Variants in MPDZ observed in about 807,000 individuals in gnomAD.
MPDZ encodes the protein multiple PDZ domain protein.
In MPDZ, 234 loss-of-function variants were observed where a neutral mutation model predicts 239.1. That is an observed-to-expected ratio of 0.98 (90% CI 0.88 to 1.09). MPDZ has a LOEUF of 1.09. Ranked by LOEUF, MPDZ falls within the 50% of genes least tolerant of loss-of-function variation. The pLI, the probability that MPDZ is intolerant of heterozygous loss-of-function variation, is 0.00. For missense variants in MPDZ, 3,175 were observed against 2,510.0 expected, an observed-to-expected ratio of 1.26 and a Z score of -5.66; for synonymous variants, 1,048 against 881.3, an observed-to-expected ratio of 1.19 and a Z score of -3.35.
intron 29 of MPDZ, among the ~76,000 whole-genome samples, chr9:13,137,078 G>A (rs1406286919): frequency 1.3e-5 from 2 of 152,176 alleles, no homozygotes; most frequent in African/African-American, 2.4e-5. Context: ...CAGGAGAGTA[G>A]ACAACAAATT....
chr9:13,190,273 G>C lies in MPDZ; in HGVS notation c.1995C>G (p.Ile665Met), dbSNP rs181658884. The C allele has an allele frequency of 1.2e-6, 2 of 1,602,934 alleles. No homozygotes were observed. The highest frequency in any genetic ancestry group is 1.3e-5 in the African/African-American group (1 of 74,602). Residue 665 changes from isoleucine to methionine, a missense_variant, in exon 16 of 47, where the codon ATC (isoleucine) becomes ATG (methionine). Physicochemically the swap from Ile to Met is conservative, Grantham distance 10. Transcript: ENST00000319217. ...CTGGATCCTCTGTCTCTGATGACCC[G>C]ATGAACTCACCTAGATCTACGTGAG... ...EKPHVDLGEF[I>M]GSSETEDPVL...
At chr9:13,116,854 A>C (rs1943529578) in intron 39 of MPDZ, among the ~76,000 whole-genome samples, 1 of 152,178 alleles carries the variant, frequency 6.6e-6, no homozygotes, top group African/African-American at 2.4e-5. Context: ...TTATTGTTTA[A>C]AAAACTTATA....
intron 3 of MPDZ, among the ~76,000 whole-genome samples, chr9:13,244,178 T>C (rs1041104049): frequency 1.3e-5 from 2 of 152,190 alleles, no homozygotes; most frequent in African/African-American, 2.4e-5. Flanking sequence ...CGCAATTAAT[T>C]AATCAAGAGA....
At chr9:13,115,548 T>C (rs565639468) in intron 39 of MPDZ, among the ~76,000 whole-genome samples, 1 of 152,072 alleles carries the variant, frequency 6.6e-6, no homozygotes, top group African/African-American at 2.4e-5. Context: ...CACCAAGTGT[T>C]TACCTTATCA....
chr9:13,262,559 T>A (rs764505152), intron 1 of MPDZ, among the ~76,000 whole-genome samples: 3 of 151,934 alleles, frequency 2.0e-5, no homozygotes, highest in Non-Finnish European at 4.4e-5. Context: ...GTTAAAACTT[T>A]AATGTACCAC....
intron 19 of MPDZ, among the ~76,000 whole-genome samples, chr9:13,179,600 G>A (rs1438659044): frequency 6.6e-6 from 1 of 152,060 alleles, no homozygotes; most frequent in Non-Finnish European, 1.5e-5. Flanking sequence ...AAGAAAAACA[G>A]TTCTTCCCTC....
chr9:13,164,229 C>T (rs920822230), intron 22 of MPDZ, among the ~76,000 whole-genome samples: 3 of 152,170 alleles, frequency 2.0e-5, no homozygotes, highest in African/African-American at 7.2e-5. Flanking sequence ...ACTAGGCTAG[C>T]TGAAAAAGTT....
intron 2 of MPDZ, among the ~76,000 whole-genome samples, chr9:13,249,436 G>C (rs919889681): frequency 6.6e-6 from 1 of 152,070 alleles, no homozygotes; most frequent in Admixed American, 6.6e-5. Flanking sequence ...GGGAAGTGAA[G>C]GAAATGTACA....
intron 13 of MPDZ, among the ~76,000 whole-genome samples, chr9:13,195,673 T>C (rs562529090): frequency 1.3e-5 from 2 of 152,238 alleles, no homozygotes; most frequent in East Asian, 3.9e-4. Flanking sequence ...GTATGCAGAA[T>C]TAACCTCTTC....
chr9:13,239,366 C>T (rs79827865), intron 3 of MPDZ, among the ~76,000 whole-genome samples: 1,539 of 152,240 alleles, frequency 0.01, 12 homozygotes, highest in Middle Eastern at 0.02. Flanking sequence ...TCTATAACCC[C>T]ATTTCCCTAT....
intron 32 of MPDZ, among the ~76,000 whole-genome samples, chr9:13,128,614 T>C (rs763416010): frequency 3.3e-5 from 5 of 152,198 alleles, no homozygotes; most frequent in Non-Finnish European, 7.3e-5. Context: ...ATTTGTTACA[T>C]AGCAAAAGTT....
At chr9:13,254,948 T>A (rs774805011) in intron 1 of MPDZ, among the ~76,000 whole-genome samples, 6 of 152,184 alleles carry the variant, frequency 3.9e-5, no homozygotes, top group African/African-American at 1.4e-4. Flanking sequence ...CAATGAGCTT[T>A]GCCACATTGA....
intron 1 of MPDZ, among the ~76,000 whole-genome samples, chr9:13,272,628 C>T (rs1356132789): frequency 3.5e-5 from 5 of 142,316 alleles, no homozygotes; most frequent in African/African-American, 5.2e-5. Flanking sequence ...GAGGCTGAGG[C>T]GGGGAGATCA....
chr9:13,152,176 G>A (rs1360702004), intron 24 of MPDZ, among the ~76,000 whole-genome samples: 1 of 152,106 alleles, frequency 6.6e-6, no homozygotes, highest in Non-Finnish European at 1.5e-5. Context: ...CTCTGTAGAA[G>A]GAGAAGTCAT....
chr9:13,234,027 T>C (rs1382430301), intron 3 of MPDZ, among the ~76,000 whole-genome samples: 3 of 152,102 alleles, frequency 2.0e-5, no homozygotes, highest in Admixed American at 1.3e-4. Flanking sequence ...AGATTTGTCT[T>C]CCCAAATATT....
At chr9:13,244,524 G>C (rs1966142102) in intron 3 of MPDZ, among the ~76,000 whole-genome samples, 1 of 152,110 alleles carries the variant, frequency 6.6e-6, no homozygotes, top group Non-Finnish European at 1.5e-5. Flanking sequence ...CATCCTTTTA[G>C]CTGGCGTTAG....
At chr9:13,201,763 C>A (rs1327199820) in intron 12 of MPDZ, among the ~76,000 whole-genome samples, 1 of 151,572 alleles carries the variant, frequency 6.6e-6, no homozygotes, top group South Asian at 2.1e-4. Context: ...AGGTTTGTAT[C>A]TTTTATTTAT....
chr9:13,136,409 G>GC (rs1946808273), intron 30 of MPDZ, among the ~76,000 whole-genome samples: 1 of 132,920 alleles, frequency 7.5e-6, no homozygotes, highest in Non-Finnish European at 1.5e-5. Context: ...TCAGCTCACT[G>GC]CAACCTCCGC....
intron 23 of MPDZ, among the ~76,000 whole-genome samples, chr9:13,160,565 A>G (rs975553673): frequency 6.6e-6 from 1 of 151,842 alleles, no homozygotes; most frequent in Non-Finnish European, 1.5e-5. Context: ...TCAGAGGGAC[A>G]TTGAAATAAT....
Sources: allele counts gnomAD v4.1 joint callset (sites outside exome capture counted in the v4.1 genomes callset), GRCh38; gene constraint gnomAD v4.1.1; transcripts MANE v1.5; gene names NCBI Gene and HGNC (gene_info 2026-07-23, HGNC 2026-07-21).